The following SEMA3E variants were observed in gnomAD, a reference collection of about 807,000 sequenced individuals.
The protein encoded by SEMA3E is semaphorin-3E.
A neutral mutation model predicts 93.6 loss-of-function variants in SEMA3E; 49 were observed. That is an observed-to-expected ratio of 0.52 (90% confidence interval 0.42 to 0.66). The LOEUF is 0.66. SEMA3E is among the 30% of genes least tolerant of loss of function. The pLI is 0.00. For synonymous variants in SEMA3E, 363 were observed against 330.7 expected (o/e 1.10, Z -1.06); for missense variants, 906 against 964.8 (o/e 0.94, Z 0.81).
intron 1 of SEMA3E, among the ~76,000 whole-genome samples, chr7:83,622,446 G>A (rs1202442409): frequency 6.6e-6 from 1 of 152,134 alleles, no homozygotes; most frequent in African/African-American, 2.4e-5. Flanking sequence ...TTTAGAACCA[G>A]AAATACCATT....
At chr7:83,542,130 G>T (rs76209850) in intron 1 of SEMA3E, among the ~76,000 whole-genome samples, 2,936 of 151,702 alleles carry the variant, frequency 0.019, 59 homozygotes, top group African/African-American at 0.056. Context: ...ATTATTTAAT[G>T]TCAGAAGTTC....
chr7:83,644,375 T>C (rs916504366), intron 1 of SEMA3E, among the ~76,000 whole-genome samples: 19 of 151,972 alleles, frequency 1.3e-4, no homozygotes, highest in Non-Finnish European at 2.7e-4. Flanking sequence ...CTGTCTTCTA[T>C]ATTAGCATTA....
chr7:83,520,795 T>C (rs964371465), intron 1 of SEMA3E, among the ~76,000 whole-genome samples: 23 of 152,324 alleles, frequency 1.5e-4, no homozygotes, highest in African/African-American at 5.0e-4. Flanking sequence ...TGGGGCTAGA[T>C]TGTTGATCAC....
intron 16 of SEMA3E, among the ~76,000 whole-genome samples, chr7:83,384,068 T>A (rs1787833335): frequency 6.6e-6 from 1 of 152,074 alleles, no homozygotes; most frequent in African/African-American, 2.4e-5. Context: ...TGCATTTCTA[T>A]ATTATTTCTA....
intron 1 of SEMA3E, among the ~76,000 whole-genome samples, chr7:83,638,368 A>C (rs1793923419): frequency 6.6e-6 from 1 of 152,158 alleles, no homozygotes; most frequent in Non-Finnish European, 1.5e-5. Flanking sequence ...ATCTAATTTC[A>C]TTTCTCCAGG....
intron 1 of SEMA3E, among the ~76,000 whole-genome samples, chr7:83,584,960 T>C (rs1792592829): frequency 6.6e-6 from 1 of 152,130 alleles, no homozygotes; most frequent in African/African-American, 2.4e-5. Flanking sequence ...TGGGAAAAAT[T>C]CTCACTCCTT....
chr7:83,647,645 A>G (rs946233944), intron 1 of SEMA3E, among the ~76,000 whole-genome samples: 5 of 152,204 alleles, frequency 3.3e-5, no homozygotes, highest in Non-Finnish European at 5.9e-5. Context: ...TCTTTTAATC[A>G]TTTATTTATG....
chr7:83,557,181 T>C (rs778572898), intron 1 of SEMA3E, among the ~76,000 whole-genome samples: 2 of 152,124 alleles, frequency 1.3e-5, no homozygotes, highest in Non-Finnish European at 2.9e-5. Flanking sequence ...TGAAAATGAA[T>C]ATTCTTTTTA....
intron 1 of SEMA3E, among the ~76,000 whole-genome samples, chr7:83,634,416 C>T (rs1793843437): frequency 6.6e-6 from 1 of 151,972 alleles, no homozygotes; most frequent in Non-Finnish European, 1.5e-5. Flanking sequence ...AATCCTTCTG[C>T]AATCCTAAAA....
intron 1 of SEMA3E, among the ~76,000 whole-genome samples, chr7:83,506,037 A>G (rs1306496862): frequency 1.6e-5 from 2 of 127,052 alleles, no homozygotes; most frequent in Non-Finnish European, 3.2e-5. Flanking sequence ...AAAAAAATAT[A>G]TATATATATA....
rs551788672 is a variant in SEMA3E at position 83,400,010 on chromosome 7, A to G, written c.1366+18T>C. On this transcript the variant is annotated intron_variant, in intron 11 of 16. Transcript: ENST00000643230. The stretch of plus-strand genomic sequence containing the variant: ...AGGGTCAATTTAAATATCTCTGAGT[A>G]CTTTCTCGTCTCTTTACCTGTCCCA... 3 of 1,550,800 alleles carry G rather than the reference A, an allele frequency of 1.9e-6. No individual in the cohort carries two copies. The highest frequency in any genetic ancestry group is 2.2e-5 in the South Asian group (2 of 89,782).
At chr7:83,511,237 C>T (rs115998179) in intron 1 of SEMA3E, among the ~76,000 whole-genome samples, 1,728 of 150,354 alleles carry the variant, frequency 0.011, 30 homozygotes, top group African/African-American at 0.041. Flanking sequence ...GTACTAAGTG[C>T]TTGCCAATGT....
Position 83,392,666 on chromosome 7 carries a change from C to T in SEMA3E, c.1556G>A (p.Cys519Tyr), listed in dbSNP as rs1340316665. 6.2e-7 allele frequency: 1 copy of T among 1,613,828 alleles called. No individual in the cohort carries two copies. The highest frequency in any genetic ancestry group is 1.7e-5 in the Admixed American group (1 of 59,958). ...SAVAQVRFHH[C>Y]DMYGSACADC... The stretch of plus-strand genomic sequence containing the variant: ...AGCACAAGCACTTCCATACATGTCA[C>T]AGTGATGGAATCTGACTTGAGCCAC... The change falls in exon 14 of 17, where the codon TGT (cysteine) becomes TAT (tyrosine). Residue 519 changes from cysteine to tyrosine, a missense_variant. Physicochemically the swap from Cys to Tyr is radical, Grantham distance 194. Transcript: ENST00000643230.
chr7:83,398,718 T>C (rs2466434), intron 11 of SEMA3E, among the ~76,000 whole-genome samples: 139,558 of 152,232 alleles, frequency 0.92, 65,228 homozygotes, highest in East Asian at 1. Flanking sequence ...CTGAGGCAGG[T>C]GGATCACCTG....
rs151036682 is a variant in SEMA3E at position 83,574,249 on chromosome 7, A to G, written c.115+74179T>C. Among the ~76,000 whole-genome samples the G allele has an allele frequency of 1.2e-4, 18 of 152,272 alleles. No individual in the cohort carries two copies. The East Asian group carries it at 3.5e-3, about 29-fold the overall frequency. ...ACATTTAAAATTGAAGAACAAAGTG[A>G]TAGATAGTCAAATGCCATTACTAGA... On this transcript the variant is annotated intron_variant, in intron 1 of 16. Transcript: ENST00000643230.
intron 4 of SEMA3E, among the ~76,000 whole-genome samples, chr7:83,432,993 A>C (rs1391363479): frequency 6.6e-6 from 1 of 152,150 alleles, no homozygotes; most frequent in Non-Finnish European, 1.5e-5. Flanking sequence ...AGCTTTTGAA[A>C]ACTTTTGCTA....
intron 1 of SEMA3E, among the ~76,000 whole-genome samples, chr7:83,646,111 G>T (rs1008369767): frequency 6.6e-6 from 1 of 151,878 alleles, no homozygotes; most frequent in Admixed American, 6.6e-5. Context: ...GTCAGGCAGC[G>T]GTACAGAGAT....
chr7:83,410,858 A>G (rs184234262), intron 5 of SEMA3E, among the ~76,000 whole-genome samples: 32 of 152,210 alleles, frequency 2.1e-4, no homozygotes, highest in Non-Finnish European at 3.2e-4. Context: ...TACCACACCA[A>G]ATATAAAGAC....
intron 1 of SEMA3E, among the ~76,000 whole-genome samples, chr7:83,500,097 T>C (rs764980747): frequency 3.3e-5 from 5 of 152,194 alleles, no homozygotes; most frequent in Non-Finnish European, 7.3e-5. Flanking sequence ...GCCAAGAATA[T>C]ATATGAACTA....
Sources: gnomAD v4.1 joint callset for allele counts (sites outside exome capture counted in the v4.1 genomes callset) on GRCh38, gnomAD v4.1.1 for gene constraint, MANE v1.5 for transcripts, NCBI Gene and HGNC (gene_info 2026-07-23, HGNC 2026-07-21) for gene names.